The following TTLL9 variants were observed in gnomAD, a reference collection of about 807,000 sequenced individuals.
The protein encoded by TTLL9 is tubulin tyrosine ligase like 9.
In TTLL9, 47 loss-of-function variants were observed where a neutral mutation model predicts 65.6. The observed-to-expected ratio is 0.72, with a 90% confidence interval of 0.57 to 0.91. The LOEUF is 0.91. Among genes scored for constraint, TTLL9 ranks in the 40% least tolerant of loss-of-function variants. The pLI, the probability that TTLL9 is intolerant of heterozygous loss-of-function variation, is 0.00. For missense variants in TTLL9, 537 were observed against 568.8 expected (o/e 0.94, Z 0.57); for synonymous variants, 179 against 204.8 (o/e 0.87, Z 1.07).
chr20:31,888,082 C>T (rs1386065901), intron 3 of TTLL9, among the ~76,000 whole-genome samples: 2 of 151,982 alleles, frequency 1.3e-5, no homozygotes, highest in Non-Finnish European at 2.9e-5. Context: ...CAGGATTTCT[C>T]CATGTTGGTC....
intron 3 of TTLL9, among the ~76,000 whole-genome samples, chr20:31,889,516 G>A (rs1174547721): frequency 1.3e-5 from 2 of 150,676 alleles, no homozygotes; most frequent in African/African-American, 2.4e-5. Context: ...TCTGCCTCCC[G>A]GGTTCAAGTG....
chr20:31,910,980 C>A (rs1193707787), intron 6 of TTLL9, among the ~76,000 whole-genome samples: 1 of 152,096 alleles, frequency 6.6e-6, no homozygotes, highest in Non-Finnish European at 1.5e-5. Flanking sequence ...TCGAGACCAG[C>A]CTGGCCTACA....
chr20:31,871,062 C>A, intron 1 of TTLL9, 60 bp from the exon 2 acceptor site: 1 of 1,495,110 alleles, frequency 6.7e-7, no homozygotes, highest in Non-Finnish European at 9.3e-7. Flanking sequence ...TTCACTCGTC[C>A]ATCTTCCCAT....
chr20:31,919,491 G>T (rs951041777), intron 6 of TTLL9, among the ~76,000 whole-genome samples: 6 of 152,140 alleles, frequency 3.9e-5, no homozygotes, highest in Admixed American at 3.3e-4. Context: ...TTCAGTAAAG[G>T]CAGGCTGATT....
chr20:31,882,541 C>T (rs947667154), intron 2 of TTLL9, among the ~76,000 whole-genome samples: 59 of 152,228 alleles, frequency 3.9e-4, no homozygotes, highest in African/African-American at 1.0e-3. Flanking sequence ...ATGGCACCAA[C>T]GAGAAATAAA....
At chr20:31,920,018 C>A in intron 7 of TTLL9, 86 bp downstream of exon 7, 1 of 1,254,816 alleles carries the variant, frequency 8.0e-7, no homozygotes, top group South Asian at 1.7e-5. Flanking sequence ...AATCAAAGCT[C>A]AGAGGGCTGG....
At chr20:31,906,613 G>A (rs946173337) in intron 4 of TTLL9, among the ~76,000 whole-genome samples, 1 of 152,086 alleles carries the variant, frequency 6.6e-6, no homozygotes, top group African/African-American at 2.4e-5. Flanking sequence ...CTATATTAGA[G>A]AAAAGGGGTG....
In TTLL9 at chr20:31,909,859, C is replaced by G. The variant is rs761255147; in HGVS notation, c.441C>G (p.Cys147Trp). Residue 147 changes from cysteine to tryptophan, a missense_variant, in exon 6 of 15, where the codon TGC becomes TGG. By Grantham distance (215) the Cys-to-Trp change is radical. Coordinates refer to ENST00000535842, the MANE Select transcript of TTLL9 (RefSeq NM_001008409.5). ...DFFPKTFEMP[C>W]EYHLFVEEFR... ...TCCCCAAAACCTTTGAGATGCCTTG[C>G]GAGTACCACCTGTTTGTAGAGGAGT... The G allele has an allele frequency of 6.2e-7, 1 of 1,613,974 alleles. No homozygotes were observed. The highest frequency in any genetic ancestry group is 1.1e-5 in the South Asian group (1 of 91,070).
At chr20:31,916,118 T>A (rs1016011072) in intron 6 of TTLL9, among the ~76,000 whole-genome samples, 1 of 152,140 alleles carries the variant, frequency 6.6e-6, no homozygotes, top group Non-Finnish European at 1.5e-5. Flanking sequence ...GAAGACTCAG[T>A]TGCCTTCCAG....
Position 31,925,057 on chromosome 20 carries a change from AC to A in TTLL9, c.705+9del. The A allele has an allele frequency of 1.9e-6, 3 of 1,613,924 alleles. No individual in the cohort carries two copies. The highest frequency in any genetic ancestry group is 2.5e-6 in the Non-Finnish European group (3 of 1,179,894). On this transcript the variant is annotated intron_variant, in intron 9 of 14. Transcript: ENST00000535842. The stretch of plus-strand genomic sequence containing the variant: ...TATGTGCTGGTGATGTCGGTGAGTA[AC>A]AAAGGTGGGGGCCCTCCTCCAGCAG...
At chr20:31,917,741 T>C (rs2063755461) in intron 6 of TTLL9, among the ~76,000 whole-genome samples, 1 of 152,200 alleles carries the variant, frequency 6.6e-6, no homozygotes, top group Admixed American at 6.5e-5. Context: ...GTGATTTTCA[T>C]TAGTGTAAGA....
chr20:31,885,546 T>G (rs58822130), intron 2 of TTLL9, among the ~76,000 whole-genome samples: 13,274 of 152,194 alleles, frequency 0.087, 780 homozygotes, highest in African/African-American at 0.16. Flanking sequence ...CAAGGACAGC[T>G]TGACTAGTGT....
chr20:31,886,625 G>C (rs930857994), intron 2 of TTLL9, among the ~76,000 whole-genome samples: 4 of 152,180 alleles, frequency 2.6e-5, no homozygotes, highest in African/African-American at 9.7e-5. Context: ...TTCCAGACAA[G>C]CCTGGCCAAC....
At chr20:31,894,852 T>C (rs1399967611) in intron 3 of TTLL9, among the ~76,000 whole-genome samples, 2 of 152,178 alleles carry the variant, frequency 1.3e-5, no homozygotes, top group Non-Finnish European at 2.9e-5. Context: ...TGGGTTGGGC[T>C]GCAGCTTTAA....
chr20:31,939,213 A>AG lies in TTLL9; in HGVS notation c.1195dup (p.Ala399GlyfsTer3). On this transcript the variant is annotated frameshift_variant, in exon 14 of 15. Coordinates refer to ENST00000535842, the MANE Select transcript of TTLL9 (RefSeq NM_001008409.5). LOFTEE classifies it high-confidence loss of function. ...AATGATGGCCCTGTTAGCAGAGAGGAGGGGGCTCCTGACCTGTCGGGAATG... is the reference window on the plus strand; with the variant it reads ...AATGATGGCCCTGTTAGCAGAGAGGAGGGGGGCTCCTGACCTGTCGGGAATG... The AG allele has an allele frequency of 6.2e-7, 1 of 1,613,158 alleles. No homozygotes were observed. The highest frequency in any genetic ancestry group is 8.5e-7 in the Non-Finnish European group (1 of 1,179,608).
chr20:31,888,220 T>C (rs1446103136), intron 3 of TTLL9, among the ~76,000 whole-genome samples: 2 of 152,134 alleles, frequency 1.3e-5, no homozygotes, highest in Non-Finnish European at 1.5e-5. Context: ...CTCCTGGCTA[T>C]ACTACCACTG....
chr20:31,932,762 C>T (rs1446373233), intron 10 of TTLL9, among the ~76,000 whole-genome samples: 4 of 151,836 alleles, frequency 2.6e-5, no homozygotes, highest in East Asian at 1.9e-4. Flanking sequence ...CTCTGGAGGC[C>T]GAGGCGGGTG....
chr20:31,926,160 G>A, intron 10 of TTLL9, 69 bp downstream of exon 10: 2 of 1,056,840 alleles, frequency 1.9e-6, no homozygotes, highest in Admixed American at 1.8e-5. Flanking sequence ...CATGGGAGAG[G>A]CCAACTCTGC....
At position 31,889,549 on chromosome 20, in the gene TTLL9, A is replaced by G. The variant is rs532997113; in HGVS notation, c.113+2310A>G. Among the ~76,000 whole-genome samples, 19 of 150,942 alleles carry G rather than the reference A, an allele frequency of 1.3e-4. No individual in the cohort carries two copies. The Middle Eastern group carries it at 0.014, about 108-fold the overall frequency. ...GTGATTCTCCTGCCTCAGCCTCCCT[A>G]GTAGCTGGGACTACAGGCACCCATC... On this transcript the variant is annotated intron_variant, in intron 3 of 14. Coordinates refer to ENST00000535842, the MANE Select transcript of TTLL9 (RefSeq NM_001008409.5).
Sources: allele counts gnomAD v4.1 joint callset (sites outside exome capture counted in the v4.1 genomes callset), GRCh38; gene constraint gnomAD v4.1.1; transcripts MANE v1.5; gene names NCBI Gene and HGNC (gene_info 2026-07-23, HGNC 2026-07-21).